AGL: variants seen among roughly 807,000 people sequenced by gnomAD.
The protein encoded by AGL is amylo-alpha-1,6-glucosidase and 4-alpha-glucanotransferase.
AGL carries 128 observed loss-of-function variants against 199.3 expected under a neutral mutation model. The ratio of observed to expected loss-of-function variants is 0.64; its 90% CI spans 0.56 to 0.74. The LOEUF (loss-of-function observed/expected upper bound fraction) is 0.74. Among genes scored for constraint, AGL ranks in the 30% least tolerant of loss-of-function variants. The probability of loss-of-function intolerance (pLI) is 0.00; values close to 1 mark genes in which losing one functional copy is unlikely to be tolerated. For synonymous variants in AGL, 584 were observed against 594.7 expected, an observed-to-expected ratio of 0.98 and a Z score of 0.26; for missense variants, 1,809 against 1,820.8, an observed-to-expected ratio of 0.99 and a Z score of 0.12.
chr1:99,908,169 A>G (rs534399205), intron 27 of AGL, among the ~76,000 whole-genome samples: 1 of 151,598 alleles, frequency 6.6e-6, no homozygotes, highest in East Asian at 1.9e-4. Context: ...TCTTTGATCC[A>G]TATTGAGTTA....
rs748689589 is a variant in AGL at position 99,921,659 on chromosome 1, C to T, written c.*8C>T. ...ACACTTTATGATTTATAGTTTATTA[C>T]AGATATTAAGTATGCAATTACTTGT... On this transcript the variant is annotated 3_prime_UTR_variant, in exon 34 of 34. Coordinates refer to ENST00000361915, the MANE Select transcript of AGL (RefSeq NM_000642.3). 11 of 1,574,044 alleles carry T rather than the reference C, an allele frequency of 7.0e-6. No individual in the cohort carries two copies. The East Asian group carries it at 1.1e-4, about 16-fold the overall frequency.
At chr1:99,858,452 C>T (rs771926338) in intron 2 of AGL, among the ~76,000 whole-genome samples, 2 of 152,150 alleles carry the variant, frequency 1.3e-5, no homozygotes, top group Non-Finnish European at 2.9e-5. Context: ...AATGCACTCC[C>T]TATTGGAGCG....
chr1:99,913,455 C>G, intron 29 of AGL, 72 bp from the exon 30 acceptor site: 1 of 1,237,888 alleles, frequency 8.1e-7, no homozygotes, highest in Non-Finnish European at 1.2e-6. Context: ...CTAAATATTA[C>G]TATTTGTCTG....
At chr1:99,919,606 T>A (rs1002233246) in intron 33 of AGL, among the ~76,000 whole-genome samples, 1 of 152,214 alleles carries the variant, frequency 6.6e-6, no homozygotes, top group Admixed American at 6.5e-5. Flanking sequence ...CATACACACT[T>A]ATCTTCATCT....
rs758882822 is a variant in AGL at position 99,875,413 on chromosome 1, C to T, written c.1241C>T (p.Pro414Leu). The T allele has an allele frequency of 2.6e-5, 42 of 1,613,940 alleles. No individual in the cohort carries two copies. Among genetic ancestry groups the T allele is most frequent in the Admixed American group, 3.3e-5 (2 of 60,002 alleles). ...VFYERLAGHG[P>L]KLGPVTRKHP... is the part of the protein sequence containing the mutation. ...TATGAACGACTGGCTGGCCATGGTC[C>T]AAAACTAGGACCTGTCACTAGAAAG... is the stretch of plus-strand genomic sequence containing the variant. The change falls in exon 10 of 34, where the codon CCA (proline) becomes CTA (leucine). Residue 414 changes from proline to leucine, a missense_variant. Coordinates refer to ENST00000361915, the MANE Select transcript of AGL (RefSeq NM_000642.3).
chr1:99,909,407 G>C (rs141586805), intron 27 of AGL, among the ~76,000 whole-genome samples: 66 of 152,266 alleles, frequency 4.3e-4, no homozygotes, highest in African/African-American at 1.5e-3. Context: ...CCCCCAGGTA[G>C]GGGATAGGAG....
At chr1:99,864,659 TA>T in intron 5 of AGL, 70 bp downstream of exon 5, 1 of 1,357,602 alleles carries the variant, frequency 7.4e-7, no homozygotes, top group Non-Finnish European at 1.0e-6. Context: ...TACACACAAA[TA>T]AGAGAAAGGA....
chr1:99,877,463 G>A (rs1440224560), intron 11 of AGL, among the ~76,000 whole-genome samples, 178 bp from the exon 12 acceptor site: 1 of 152,082 alleles, frequency 6.6e-6, no homozygotes, highest in African/African-American at 2.4e-5. Flanking sequence ...GAATAGCTAT[G>A]AGAAATAAAT....
In AGL at chr1:99,921,753, CATTT is replaced by C. The variant is rs1165414809; in HGVS notation, c.*106_*109del. On this transcript the variant is annotated 3_prime_UTR_variant, in exon 34 of 34. Transcript: ENST00000361915. ...CAGGCTCAAGTTGTTTTAAAAATCT[CATTT>C]ATTATAATATTGATGCTCAATTAGG... 1.1e-5 allele frequency: 8 copies of C among 748,414 alleles called. No homozygotes were observed. The highest frequency in any genetic ancestry group is 3.2e-4 in the Middle Eastern group (1 of 3,130). The allele number at this position is 748,414 out of a possible 1,614,324, so 46.4% of individuals were successfully genotyped here. A position where few individuals can be genotyped will look rare whatever the true frequency, so the allele number is the denominator to read the frequency against.
At chr1:99,872,844 T>C (rs1651140601) in intron 7 of AGL, among the ~76,000 whole-genome samples, 1 of 152,200 alleles carries the variant, frequency 6.6e-6, no homozygotes, top group Admixed American at 6.5e-5. Context: ...TTACATTTCT[T>C]TGCTTATTAA....
Position 99,922,966 on chromosome 1 carries a change from T to A in AGL, c.*1315T>A, listed in dbSNP as rs1337642615. The A allele has an allele frequency of 6.6e-6, 1 of 152,050 alleles. No individual in the cohort carries two copies. Among genetic ancestry groups the A allele is most frequent in the Admixed American group, 6.6e-5 (1 of 15,260 alleles). The allele number at this position is 152,050 out of a possible 1,614,324, so 9.4% of individuals were successfully genotyped here. A position where few individuals can be genotyped will look rare whatever the true frequency, so the allele number is the denominator to read the frequency against. ...AAATTAAAGAAGAAAACCAGCAAAC[T>A]AAAACTTCTGGGCAGCAAAAATATA... On this transcript the variant is annotated 3_prime_UTR_variant, in exon 34 of 34. Transcript: ENST00000361915.
In AGL at chr1:99,915,460, C is replaced by A; in HGVS notation, c.4233C>A (p.Pro1411=). The change falls in exon 31 of 34, where the codon CCC becomes CCA. Residue 1411 remains proline (P), a synonymous_variant. Transcript: ENST00000361915. ...LEIAEKKLLG[P]LGMKTLDPDD... Reference sequence around the variant, plus strand: ...TTGCAGAAAAAAAATTGCTTGGTCCCCTTGGCATGAAAACTTTAGATCCAG... The same window carrying A: ...TTGCAGAAAAAAAATTGCTTGGTCCACTTGGCATGAAAACTTTAGATCCAG... 1 of 1,613,196 alleles carries A rather than the reference C, an allele frequency of 6.2e-7. No homozygotes were observed. The highest frequency in any genetic ancestry group is 8.5e-7 in the Non-Finnish European group (1 of 1,179,390).
At position 99,913,617 on chromosome 1, in the gene AGL, A is replaced by G. The variant is rs757161555; in HGVS notation, c.4040A>G (p.Asp1347Gly). 4 of 1,614,094 alleles carry G rather than the reference A, an allele frequency of 2.5e-6. No individual in the cohort carries two copies. The highest frequency in any genetic ancestry group is 2.2e-5 in the South Asian group (2 of 91,086). Reference sequence around the variant, plus strand: ...TTTCATGTTTCCGAAGACCCTTCAGATTTAAATGAAAAGCATCCAAATCTG... The same window carrying G: ...TTTCATGTTTCCGAAGACCCTTCAGGTTTAAATGAAAAGCATCCAAATCTG... ...KLFHVSEDPSDLNEKHPNLVH... is the reference protein window; with the variant it reads ...KLFHVSEDPSGLNEKHPNLVH... Residue 1347 changes from aspartate to glycine, a missense_variant, in exon 30 of 34, where the codon GAT (aspartate) becomes GGT (glycine). Coordinates refer to ENST00000361915, the MANE Select transcript of AGL (RefSeq NM_000642.3).
At chr1:99,862,104 GT>G (rs1479784072) in intron 3 of AGL, among the ~76,000 whole-genome samples, 152 bp from the exon 4 acceptor site, 1 of 152,136 alleles carries the variant, frequency 6.6e-6, no homozygotes, top group African/African-American at 2.4e-5. Context: ...TTTCCATTAA[GT>G]TTTGTTGCAA....
rs1399765768 is a variant in AGL at position 99,923,036 on chromosome 1, A to G, written c.*1385A>G. The G allele has an allele frequency of 2.0e-5, 3 of 152,088 alleles. No individual in the cohort carries two copies. The highest frequency in any genetic ancestry group is 7.2e-5 in the African/African-American group (3 of 41,434). 9.4% of individuals were successfully genotyped at this position (152,088 alleles called of 1,614,324 possible). ...ATACCCATGCTTGAAAGCTCGTGTAATTTACTTTAAGATTATCTGCCTGCT... is the reference window on the plus strand; with the variant it reads ...ATACCCATGCTTGAAAGCTCGTGTAGTTTACTTTAAGATTATCTGCCTGCT... On this transcript the variant is annotated 3_prime_UTR_variant, in exon 34 of 34. Transcript: ENST00000361915.
In AGL at chr1:99,861,757, C is replaced by G. The variant is rs745673758; in HGVS notation, c.293+44C>G. 1.1e-5 allele frequency: 17 copies of G among 1,601,674 alleles called. No individual in the cohort carries two copies. The East Asian group carries it at 2.9e-4, about 27-fold the overall frequency. ...TTGTGAGAAAAAAAGTTAATTTGTTCTGTAATTTGAAGTCACCTAACTTGT... is the reference window on the plus strand; with the variant it reads ...TTGTGAGAAAAAAAGTTAATTTGTTGTGTAATTTGAAGTCACCTAACTTGT... On this transcript the variant is annotated intron_variant, in intron 3 of 33. Coordinates refer to ENST00000361915, the MANE Select transcript of AGL (RefSeq NM_000642.3).
chr1:99,872,065 T>A (rs1395909602), intron 7 of AGL, among the ~76,000 whole-genome samples: 1 of 152,212 alleles, frequency 6.6e-6, no homozygotes, highest in African/African-American at 2.4e-5. Flanking sequence ...TAGTTGACAA[T>A]ATGAATTTAT....
chr1:99,893,911 A>G (rs1265960817), intron 24 of AGL, among the ~76,000 whole-genome samples: 1 of 152,158 alleles, frequency 6.6e-6, no homozygotes, highest in African/African-American at 2.4e-5. Context: ...AATTAAAAAC[A>G]ATGGTTCATA....
chr1:99,872,501 T>C (rs1321381952), intron 7 of AGL, among the ~76,000 whole-genome samples: 2 of 151,406 alleles, frequency 1.3e-5, no homozygotes, highest in Non-Finnish European at 2.9e-5. Flanking sequence ...GTTTGTCAAT[T>C]AGGCAAAACA....
Sources: gnomAD v4.1 joint callset for allele counts (sites outside exome capture counted in the v4.1 genomes callset) on GRCh38, gnomAD v4.1.1 for gene constraint, MANE v1.5 for transcripts, NCBI Gene and HGNC (gene_info 2026-07-23, HGNC 2026-07-21) for gene names.